HTR2C: variants seen among roughly 807,000 people sequenced by gnomAD.
HTR2C encodes the protein 5-hydroxytryptamine (serotonin) receptor 2C, G protein-coupled.
HTR2C carries 5 observed loss-of-function variants against 21.0 expected under a neutral mutation model. That is an observed-to-expected ratio of 0.24 (90% CI 0.12 to 0.50). HTR2C has a LOEUF of 0.50. HTR2C is among the 20% of genes least tolerant of loss of function. The pLI is 0.98. For missense variants in HTR2C, 271 were observed against 371.2 expected, an observed-to-expected ratio of 0.73 and a Z score of 2.22; for synonymous variants, 150 against 145.3, an observed-to-expected ratio of 1.03 and a Z score of -0.23.
rs200101973 is a variant in HTR2C, at chrX:114,737,229, C to CTTTT, written c.349+5634_349+5637dup. 8.6e-4 allele frequency among the ~76,000 whole-genome samples: 84 copies of CTTTT among 97,280 alleles called. 1 individual carries two copies. Among genetic ancestry groups the CTTTT allele is most frequent in the African/African-American group, 3.0e-3 (77 of 25,875 alleles). The allele number at this position is 97,280 out of a possible 115,157, so 84.5% of individuals were successfully genotyped here. A position where few individuals can be genotyped will look rare whatever the true frequency, so the allele number is the denominator to read the frequency against. The stretch of plus-strand genomic sequence containing the variant: ...CCTGGCTTTTTTTTTCTTTTCTTTT[C>CTTTT]TTTTTTTTTTTTTTTGAGATGGGGT... On this transcript the variant is annotated intron_variant, in intron 4 of 5. Coordinates refer to ENST00000276198, the MANE Select transcript of HTR2C (RefSeq NM_000868.4).
At chrX:114,729,275 A>C (rs192246020) in intron 3 of HTR2C, among the ~76,000 whole-genome samples, 2 of 112,175 alleles carry the variant, frequency 1.8e-5, no homozygotes, top group African/African-American at 6.5e-5. Flanking sequence ...AGCAGACAGA[A>C]GGTACCTCCA....
intron 2 of HTR2C, among the ~76,000 whole-genome samples, chrX:114,686,420 A>G (rs973584100): frequency 6.3e-5 from 7 of 111,239 alleles, no homozygotes; most frequent in Non-Finnish European, 1.1e-4. Context: ...TTGACAATTT[A>G]TTGCTAGAAT....
chrX:114,821,576 A>G (rs2070633160), intron 4 of HTR2C, among the ~76,000 whole-genome samples: 1 of 111,648 alleles, frequency 9.0e-6, no homozygotes, highest in African/African-American at 3.3e-5. Flanking sequence ...AAAGTTAGAA[A>G]CACTGGCCTA....
Position 114,602,020 on chromosome X carries a change from A to G in HTR2C, c.-146-11795A>G, listed in dbSNP as rs782482255. 7.6e-3 allele frequency among the ~76,000 whole-genome samples: 774 copies of G among 101,565 alleles called. 10 individuals carry two copies. Among genetic ancestry groups the G allele is most frequent in the African/African-American group, 0.027 (736 of 27,210 alleles). The allele number at this position is 101,565 out of a possible 115,157, so 88.2% of individuals were successfully genotyped here. A position where few individuals can be genotyped will look rare whatever the true frequency, so the allele number is the denominator to read the frequency against. ...TTGAAAAACTAAATGGAATAACAGA[A>G]GGAGAAAAACAGGTATAAAAGGTCT... On this transcript the variant is annotated intron_variant, in intron 1 of 5. Coordinates refer to ENST00000276198, the MANE Select transcript of HTR2C (RefSeq NM_000868.4).
At chrX:114,753,112 G>T (rs1287472902) in intron 4 of HTR2C, among the ~76,000 whole-genome samples, 5 of 103,985 alleles carry the variant, frequency 4.8e-5, no homozygotes, top group Admixed American at 1.1e-4. Context: ...CTTCCCTGTG[G>T]TTTTTTTTTA....
At chrX:114,802,772 G>C (rs1467493879) in intron 4 of HTR2C, among the ~76,000 whole-genome samples, 1 of 95,990 alleles carries the variant, frequency 1.0e-5, no homozygotes, top group African/African-American at 3.9e-5. Flanking sequence ...GGGTACATGT[G>C]CACAATGTGC....
chrX:114,825,805 T>TA (rs2070673298), intron 4 of HTR2C, among the ~76,000 whole-genome samples: 1 of 111,757 alleles, frequency 8.9e-6, no homozygotes, highest in Non-Finnish European at 1.9e-5. Flanking sequence ...GCCCTGTTAT[T>TA]ATATTTTAAA....
At chrX:114,708,662 C>T (rs1556418755) in intron 2 of HTR2C, among the ~76,000 whole-genome samples, 1 of 110,408 alleles carries the variant, frequency 9.1e-6, no homozygotes, top group East Asian at 2.9e-4. Flanking sequence ...TTTAAATCAA[C>T]CAGGAATAGT....
At chrX:114,761,533 A>T (rs940831838) in intron 4 of HTR2C, among the ~76,000 whole-genome samples, 2 of 111,384 alleles carry the variant, frequency 1.8e-5, no homozygotes, top group Non-Finnish European at 3.8e-5. Context: ...CTGAGAATAT[A>T]CTATAACCCC....
At chrX:114,761,920 T>C (rs1556432519) in intron 4 of HTR2C, among the ~76,000 whole-genome samples, 237 of 108,903 alleles carry the variant, frequency 2.2e-3, no homozygotes, top group South Asian at 6.1e-3. Flanking sequence ...TATATATACG[T>C]GTATATATAC....
chrX:114,652,769 G>A, intron 2 of HTR2C: 1 of 323,127 alleles, frequency 3.1e-6, no homozygotes, highest in Non-Finnish European at 6.2e-6. Flanking sequence ...ATCTAGTATG[G>A]GAGAGAAGAA....
At chrX:114,767,643 T>A (rs373878439) in intron 4 of HTR2C, among the ~76,000 whole-genome samples, 3 of 108,578 alleles carry the variant, frequency 2.8e-5, no homozygotes, top group African/African-American at 9.9e-5. Flanking sequence ...CTAACTTTTA[T>A]GTATTTAATT....
chrX:114,827,927 A>AT lies in HTR2C; in HGVS notation c.350-20066dup, dbSNP rs1240556274. ...GTTTGATTATGATGATCTAGGTATG[A>AT]TTTTTTTTTTGGTTTAAACATTTGA... On this transcript the variant is annotated intron_variant, in intron 4 of 5. Transcript: ENST00000276198. Among the ~76,000 whole-genome samples the AT allele has an allele frequency of 5.1e-3, 542 of 106,101 alleles. 1 individual carries two copies. Among genetic ancestry groups the AT allele is most frequent in the African/African-American group, 0.016 (464 of 29,408 alleles). The allele number at this position is 106,101 out of a possible 115,157, so 92.1% of individuals were successfully genotyped here. A position where few individuals can be genotyped will look rare whatever the true frequency, so the allele number is the denominator to read the frequency against.
At chrX:114,632,302 T>C (rs1929660659) in intron 2 of HTR2C, among the ~76,000 whole-genome samples, 1 of 111,652 alleles carries the variant, frequency 9.0e-6, no homozygotes, top group Non-Finnish European at 1.9e-5. Context: ...ATGGTAAACT[T>C]GCCTTCCTAG....
At chrX:114,663,430 T>C (rs1163434027) in intron 2 of HTR2C, among the ~76,000 whole-genome samples, 2 of 112,013 alleles carry the variant, frequency 1.8e-5, no homozygotes, top group East Asian at 2.8e-4. Context: ...ACATGACTTA[T>C]GAAGCTTTGA....
chrX:114,855,871 T>A (rs2070956695), intron 5 of HTR2C, among the ~76,000 whole-genome samples: 1 of 104,306 alleles, frequency 9.6e-6, no homozygotes, highest in South Asian at 4.5e-4. Context: ...TATGTTTAAA[T>A]TCTTTATAAT....
chrX:114,765,595 T>C (rs918361192), intron 4 of HTR2C, among the ~76,000 whole-genome samples: 1 of 110,955 alleles, frequency 9.0e-6, no homozygotes, highest in South Asian at 3.8e-4. Context: ...ACTATGTTCC[T>C]GAAAAACAAC....
chrX:114,836,099 C>T (rs1379440560), intron 4 of HTR2C, among the ~76,000 whole-genome samples: 5 of 108,656 alleles, frequency 4.6e-5, no homozygotes, highest in Non-Finnish European at 9.6e-5. Flanking sequence ...AGAACCACTG[C>T]TCTCTTCAAA....
At chrX:114,611,364 C>T (rs781987380) in intron 1 of HTR2C, among the ~76,000 whole-genome samples, 5 of 111,915 alleles carry the variant, frequency 4.5e-5, no homozygotes, top group Non-Finnish European at 7.5e-5. Flanking sequence ...TGCGTTTCTG[C>T]GATGCGATGT....
Sources: allele counts gnomAD v4.1 joint callset (sites outside exome capture counted in the v4.1 genomes callset), GRCh38; gene constraint gnomAD v4.1.1; transcripts MANE v1.5; gene names NCBI Gene and HGNC (gene_info 2026-07-23, HGNC 2026-07-21).